HHAT: variants seen among roughly 807,000 people sequenced by gnomAD.
HHAT encodes hedgehog acyltransferase, also known as protein-cysteine N-palmitoyltransferase HHAT.
HHAT carries 47 observed loss-of-function variants against 70.8 expected under a neutral mutation model. The observed-to-expected ratio is 0.66, with a 90% CI of 0.53 to 0.85. The LOEUF (loss-of-function observed/expected upper bound fraction) is 0.85. HHAT is among the 40% of genes least tolerant of loss of function. HHAT has a pLI of 0.00. For synonymous variants in HHAT, 228 were observed against 247.6 expected, an observed-to-expected ratio of 0.92 and a Z score of 0.74; for missense variants, 609 against 604.8, an observed-to-expected ratio of 1.01 and a Z score of -0.07.
rs980224334 is a variant in HHAT, at chr1:210,328,987, C to G, written c.-161C>G. On this transcript the variant is annotated 5_prime_UTR_variant, in exon 1 of 12. Transcript: ENST00000261458. ...CTCCGGGGGAAAGAGGGTGGCGTCC[C>G]GGGGAAGCCCGCAGCCGCCGCCGAT... 1 of 1,354,234 alleles carries G rather than the reference C, an allele frequency of 7.4e-7. No homozygotes were observed. The highest frequency in any genetic ancestry group is 9.5e-7 in the Non-Finnish European group (1 of 1,050,638). 83.9% of individuals were successfully genotyped at this position (1,354,234 alleles called of 1,614,324 possible).
At chr1:210,615,985 A>C (rs1471304201) in intron 10 of HHAT, among the ~76,000 whole-genome samples, 1 of 152,048 alleles carries the variant, frequency 6.6e-6, no homozygotes, top group African/African-American at 2.4e-5. Context: ...TGCAGAAATC[A>C]CCCATCTTCT....
intron 11 of HHAT, among the ~76,000 whole-genome samples, chr1:210,635,573 G>A (rs1254383339): frequency 6.6e-6 from 1 of 152,188 alleles, no homozygotes; most frequent in African/African-American, 2.4e-5. Context: ...TCAAAGGACA[G>A]AAAAGATGGA....
chr1:210,627,385 A>G (rs145209386), intron 11 of HHAT, among the ~76,000 whole-genome samples: 2 of 152,234 alleles, frequency 1.3e-5, no homozygotes, highest in East Asian at 3.9e-4. Flanking sequence ...TAAAATTGGT[A>G]TCTTCCTGTC....
intron 7 of HHAT, among the ~76,000 whole-genome samples, chr1:210,453,912 G>A (rs2148405502): frequency 6.6e-6 from 1 of 152,318 alleles, no homozygotes; most frequent in South Asian, 2.1e-4. Context: ...GCAATAAAAA[G>A]AGGTTTAATT....
chr1:210,397,483 A>G (rs947781455), intron 4 of HHAT, among the ~76,000 whole-genome samples: 13 of 152,086 alleles, frequency 8.5e-5, no homozygotes, highest in Non-Finnish European at 1.5e-4. Context: ...TACCCTGAGA[A>G]CTTGGGGAAA....
At chr1:210,354,195 C>CTTTTT (rs71146220) in intron 2 of HHAT, among the ~76,000 whole-genome samples, 2 of 102,614 alleles carry the variant, frequency 1.9e-5, no homozygotes, top group African/African-American at 8.4e-5. Context: ...AACATAATGT[C>CTTTTT]TTTTTTTTTT....
intron 8 of HHAT, among the ~76,000 whole-genome samples, chr1:210,478,947 G>A (rs2094348779): frequency 6.6e-6 from 1 of 152,130 alleles, no homozygotes; most frequent in Non-Finnish European, 1.5e-5. Flanking sequence ...CAGAGTGGTG[G>A]CATCTGTGTC....
At chr1:210,660,390 A>T (rs914945538) in intron 11 of HHAT, among the ~76,000 whole-genome samples, 6 of 152,194 alleles carry the variant, frequency 3.9e-5, no homozygotes, top group Admixed American at 3.3e-4. Context: ...GAGAACTACA[A>T]ACCACTGCTC....
At chr1:210,377,436 A>T (rs1457956204) in intron 3 of HHAT, among the ~76,000 whole-genome samples, 1 of 152,126 alleles carries the variant, frequency 6.6e-6, no homozygotes, top group Admixed American at 6.5e-5. Context: ...TTTCTTTTTA[A>T]GCATTTGATT....
At chr1:210,367,384 G>A (rs111456109) in intron 3 of HHAT, among the ~76,000 whole-genome samples, 2,419 of 152,236 alleles carry the variant, frequency 0.016, 79 homozygotes, top group African/African-American at 0.055. Flanking sequence ...TTGGTCCTAC[G>A]TGCCTCTAGA....
At chr1:210,472,525 CG>C (rs1558586000) in intron 8 of HHAT, among the ~76,000 whole-genome samples, 1 of 152,048 alleles carries the variant, frequency 6.6e-6, no homozygotes, top group Non-Finnish European at 1.5e-5. Flanking sequence ...TCTGGAATTT[CG>C]GGGTACCTGA....
intron 9 of HHAT, among the ~76,000 whole-genome samples, chr1:210,540,469 A>G (rs77462348): frequency 8.7e-5 from 8 of 91,444 alleles, no homozygotes; most frequent in South Asian, 3.6e-4. Context: ...ACACACACAC[A>G]CGCACACACA....
intron 11 of HHAT, among the ~76,000 whole-genome samples, chr1:210,631,454 A>G (rs1367108097): frequency 6.6e-6 from 1 of 151,824 alleles, no homozygotes; most frequent in Non-Finnish European, 1.5e-5. Flanking sequence ...CACACCTACA[A>G]CTCTTTATCC....
chr1:210,675,220 A>G lies in HHAT; in HGVS notation c.*841A>G, dbSNP rs906760401. 2.0e-5 allele frequency: 3 copies of G among 152,244 alleles called. No individual in the cohort carries two copies. Among genetic ancestry groups the G allele is most frequent in the African/African-American group, 4.8e-5 (2 of 41,464 alleles). 9.4% of individuals were successfully genotyped at this position (152,244 alleles called of 1,614,324 possible). On this transcript the variant is annotated 3_prime_UTR_variant, in exon 12 of 12. Transcript: ENST00000261458. ...CCACCCTCTCCATACAAGTCTCAAA[A>G]GTCATCCTCCTACTCAGTGATTCAC...
At chr1:210,542,262 G>C (rs1270798709) in intron 9 of HHAT, among the ~76,000 whole-genome samples, 1 of 152,088 alleles carries the variant, frequency 6.6e-6, no homozygotes, top group African/African-American at 2.4e-5. Flanking sequence ...AAATAGGTAG[G>C]GGTGGGAGGT....
chr1:210,532,037 A>G (rs978569773), intron 9 of HHAT, among the ~76,000 whole-genome samples: 4 of 152,238 alleles, frequency 2.6e-5, no homozygotes, highest in African/African-American at 4.8e-5. Flanking sequence ...CAGCTGTGAA[A>G]AGGCCATTTA....
At chr1:210,385,605 A>G (rs773171781) in intron 3 of HHAT, among the ~76,000 whole-genome samples, 52 of 152,330 alleles carry the variant, frequency 3.4e-4, no homozygotes, top group Non-Finnish European at 6.5e-4. Context: ...CTTTATGAGC[A>G]GGTCATGTAT....
At chr1:210,466,256 A>G (rs2094107155) in intron 8 of HHAT, among the ~76,000 whole-genome samples, 1 of 152,238 alleles carries the variant, frequency 6.6e-6, no homozygotes, top group African/African-American at 2.4e-5. Context: ...TTTCTTTTGA[A>G]GGTAATGACA....
chr1:210,384,330 G>C (rs367550509), intron 3 of HHAT, among the ~76,000 whole-genome samples: 117 of 152,282 alleles, frequency 7.7e-4, no homozygotes, highest in African/African-American at 2.6e-3. Context: ...TAGCAGCTTC[G>C]GAGTATGTGC....
Sources: allele counts gnomAD v4.1 joint callset (sites outside exome capture counted in the v4.1 genomes callset), GRCh38; gene constraint gnomAD v4.1.1; transcripts MANE v1.5; gene names NCBI Gene and HGNC (gene_info 2026-07-23, HGNC 2026-07-21).